The following TENM2 variants were observed in gnomAD, a reference collection of about 807,000 sequenced individuals.
TENM2 encodes teneurin-2.
In TENM2, 52 loss-of-function variants were observed where a neutral mutation model predicts 245.2. That is an observed-to-expected ratio of 0.21 (90% CI 0.17 to 0.27). The LOEUF (loss-of-function observed/expected upper bound fraction) is 0.27. Ranked by LOEUF, TENM2 falls within the 10% of genes least tolerant of loss-of-function variation. The pLI is 1.00. For synonymous variants in TENM2, 1,363 were observed against 1,438.9 expected (o/e 0.95, Z 1.19); for missense variants, 3,046 against 3,666.8 (o/e 0.83, Z 4.37).
chr5:167,876,287 G>A, intron 3 of TENM2, 92 bp downstream of exon 5: 1 of 1,114,066 alleles, frequency 9.0e-7, no homozygotes, highest in Non-Finnish European at 1.3e-6. Context: ...ACAAGGGCTG[G>A]GGGAAGGTGG....
At chr5:167,662,635 A>T (rs185966826) in intron 2 of TENM2, among the ~76,000 whole-genome samples, 1 of 152,306 alleles carries the variant, frequency 6.6e-6, no homozygotes, top group Non-Finnish European at 1.5e-5. Context: ...GAAACTTATT[A>T]TCATTTGATG....
the TENM2 span, among the ~76,000 whole-genome samples, chr5:167,248,048 G>A: frequency 1.3e-5 from 2 of 152,058 alleles, no homozygotes; most frequent in Admixed American, 6.6e-5. Flanking sequence ...AACATAGCAT[G>A]CAGAGGGAGC....
chr5:167,711,026 A>T (rs1758874177), intron 2 of TENM2, among the ~76,000 whole-genome samples: 1 of 152,192 alleles, frequency 6.6e-6, no homozygotes, highest in African/African-American at 2.4e-5. Context: ...GAATCATCTT[A>T]CTGAATCCCC....
At chr5:167,607,567 C>T (rs974827046) in intron 2 of TENM2, among the ~76,000 whole-genome samples, 2 of 152,192 alleles carry the variant, frequency 1.3e-5, no homozygotes, top group African/African-American at 2.4e-5. Flanking sequence ...CCTCACCCAT[C>T]AACTAAGGCA....
chr5:167,347,323 C>G (rs902996688), intron 1 of TENM2, among the ~76,000 whole-genome samples: 1 of 152,110 alleles, frequency 6.6e-6, no homozygotes, highest in African/African-American at 2.4e-5. Context: ...GCAATTTGCT[C>G]TGAAAAGATA....
chr5:167,185,440 A>G, the TENM2 span, among the ~76,000 whole-genome samples: 1 of 152,202 alleles, frequency 6.6e-6, no homozygotes, highest in Admixed American at 6.5e-5. Flanking sequence ...ATTTTTATGC[A>G]TGTATAAATA....
intron 3 of TENM2, among the ~76,000 whole-genome samples, chr5:167,882,813 G>T (rs1321312013): frequency 6.6e-6 from 1 of 152,164 alleles, no homozygotes; most frequent in Admixed American, 6.6e-5. Flanking sequence ...TTCAAGATGA[G>T]ATTTTGAGTG....
intron 5 of TENM2, among the ~76,000 whole-genome samples, chr5:168,001,119 A>G (rs1784389576): frequency 6.6e-6 from 1 of 152,216 alleles, no homozygotes; most frequent in Non-Finnish European, 1.5e-5. Flanking sequence ...TTTTCCAAAT[A>G]CCCAGAATCC....
chr5:168,192,579 A>G (rs752049199), intron 14 of TENM2, among the ~76,000 whole-genome samples: 19 of 152,170 alleles, frequency 1.2e-4, no homozygotes, highest in Non-Finnish European at 1.8e-4. Context: ...TTTCTATTTT[A>G]TTTGACTTTA....
At chr5:167,341,712 A>AAT (rs1347742056) in intron 1 of TENM2, among the ~76,000 whole-genome samples, 1 of 151,654 alleles carries the variant, frequency 6.6e-6, no homozygotes, top group Non-Finnish European at 1.5e-5. Context: ...TTTTATATAG[A>AAT]ATATATATTT....
At chr5:167,284,764 G>C, upstream of TENM2, 1 of 1,120,856 alleles carries the variant, frequency 8.9e-7, no homozygotes, top group East Asian at 2.6e-5. Context: ...ATGTTTTCAG[G>C]TGGCAAAGTG....
chr5:167,373,596 A>T (rs929255934), intron 1 of TENM2, among the ~76,000 whole-genome samples: 2 of 152,242 alleles, frequency 1.3e-5, no homozygotes, highest in Admixed American at 1.3e-4. Context: ...TTGCATGGAA[A>T]TCTTAAAACA....
chr5:167,473,987 T>C (rs1236176596), intron 2 of TENM2, among the ~76,000 whole-genome samples: 4 of 152,164 alleles, frequency 2.6e-5, no homozygotes, highest in Non-Finnish European at 4.4e-5. Flanking sequence ...CTCTCTGATA[T>C]TCAGTTTTCC....
intron 5 of TENM2, among the ~76,000 whole-genome samples, chr5:168,039,783 G>A (rs1788022504): frequency 6.6e-6 from 1 of 152,012 alleles, no homozygotes; most frequent in Non-Finnish European, 1.5e-5. Flanking sequence ...TTCCAGTGAT[G>A]CTGAGAGCTA....
intron 25 of TENM2, among the ~76,000 whole-genome samples, chr5:168,236,515 G>A (rs1360699902): frequency 1.3e-5 from 2 of 151,994 alleles, no homozygotes; most frequent in African/African-American, 2.4e-5. Flanking sequence ...TCATACCCAG[G>A]CCCCCACTGA....
intron 7 of TENM2, 107 bp from the exon 10 acceptor site, chr5:168,090,467 C>A: frequency 1.1e-6 from 1 of 937,818 alleles, no homozygotes. Flanking sequence ...AAATGTGCTA[C>A]AAAAAAGGTC....
intron 3 of TENM2, 80 bp from the exon 6 acceptor site, chr5:167,952,508 A>AAACTCTCCTCCAGTGGTTTGC: frequency 8.1e-7 from 1 of 1,237,734 alleles, no homozygotes; most frequent in Non-Finnish European, 1.1e-6. Context: ...CTTTGGTTTG[A>AAACTCTCCTCCAGTGGTTTGC]AACTCTCCTC....
At chr5:168,171,552 G>A (rs1758828401) in intron 13 of TENM2, among the ~76,000 whole-genome samples, 1 of 152,164 alleles carries the variant, frequency 6.6e-6, no homozygotes, top group African/African-American at 2.4e-5. Flanking sequence ...CCTGGTACAT[G>A]TAATTGACCA....
intron 2 of TENM2, among the ~76,000 whole-genome samples, chr5:167,400,524 C>G (rs751594324): frequency 6.6e-6 from 1 of 152,006 alleles, no homozygotes; most frequent in Non-Finnish European, 1.5e-5. Flanking sequence ...TGGAAATAGG[C>G]ACTTGGAAAT....
Sources: allele counts gnomAD v4.1 joint callset (sites outside exome capture counted in the v4.1 genomes callset), GRCh38; gene constraint gnomAD v4.1.1; transcripts MANE v1.5; gene names NCBI Gene and HGNC (gene_info 2026-07-23, HGNC 2026-07-21).